The following GDA variants were observed in gnomAD, a reference collection of about 807,000 sequenced individuals.
GDA encodes the protein cytoplasmic PSD-95 interactor.
In GDA, 18 loss-of-function variants were observed where a neutral mutation model predicts 59.6. The observed-to-expected ratio is 0.30, with a 90% CI of 0.21 to 0.45. The LOEUF (loss-of-function observed/expected upper bound fraction) is 0.45. GDA is among the 20% of genes least tolerant of loss of function. The probability of loss-of-function intolerance (pLI) is 1.00; values close to 1 mark genes in which losing one functional copy is unlikely to be tolerated. For missense variants in GDA, 427 were observed against 552.3 expected, an observed-to-expected ratio of 0.77 and a Z score of 2.27; for synonymous variants, 201 against 201.1, an observed-to-expected ratio of 1.00 and a Z score of 0.00.
intron 4 of GDA, 104 bp from the exon 5 acceptor site, chr9:72,213,782 T>G: frequency 6.3e-6 from 4 of 631,700 alleles, no homozygotes; most frequent in African/African-American, 2.2e-5. Context: ...TGGCCTGGGC[T>G]AAACAGCGGG....
intron 1 of GDA, among the ~76,000 whole-genome samples, chr9:72,123,548 C>T (rs1467132750): frequency 5.1e-5 from 7 of 137,416 alleles, no homozygotes; most frequent in Non-Finnish European, 7.6e-5. Context: ...AGTGCAATGG[C>T]GTGATCTCAG....
At chr9:72,196,373 C>A (rs1833176055) in intron 2 of GDA, among the ~76,000 whole-genome samples, 1 of 151,662 alleles carries the variant, frequency 6.6e-6, no homozygotes, top group African/African-American at 2.4e-5. Context: ...GTAATCCCAG[C>A]TACCTGGGTG....
intron 1 of GDA, among the ~76,000 whole-genome samples, chr9:72,136,356 A>G (rs997647462): frequency 6.6e-6 from 1 of 152,220 alleles, no homozygotes; most frequent in Admixed American, 6.5e-5. Flanking sequence ...AATGCAAACA[A>G]TGTTCTCATT....
chr9:72,157,731 A>G (rs1271583537), intron 1 of GDA, among the ~76,000 whole-genome samples: 4 of 152,132 alleles, frequency 2.6e-5, no homozygotes, highest in Non-Finnish European at 5.9e-5. Context: ...ATAACCATCT[A>G]TGGCTCACTA....
At chr9:72,213,814 A>AG (rs1455373725) in intron 4 of GDA, 72 bp from the exon 5 acceptor site, 15 of 922,098 alleles carry the variant, frequency 1.6e-5, no homozygotes, top group Admixed American at 1.5e-4. Context: ...AAAAAAAAAA[A>AG]AAAAAGAAAA....
intron 1 of GDA, among the ~76,000 whole-genome samples, chr9:72,139,104 C>G (rs1293907539): frequency 2.6e-5 from 4 of 152,150 alleles, no homozygotes; most frequent in Non-Finnish European, 4.4e-5. Flanking sequence ...CTTTCAAGCA[C>G]TTTACCTTAA....
intron 11 of GDA, among the ~76,000 whole-genome samples, chr9:72,242,675 T>TTTTTG (rs1001110509): frequency 3.3e-5 from 5 of 152,160 alleles, no homozygotes; most frequent in African/African-American, 1.2e-4. Flanking sequence ...TTGTTTTTTG[T>TTTTTG]TTTTGTTTTG....
intron 1 of GDA, among the ~76,000 whole-genome samples, chr9:72,132,173 G>A (rs989060530): frequency 6.6e-6 from 1 of 152,130 alleles, no homozygotes; most frequent in African/African-American, 2.4e-5. Context: ...AGATTTGGGT[G>A]GGAACAAAGC....
Position 72,241,242 on chromosome 9 carries a change from A to G in GDA, c.1079A>G (p.Glu360Gly). ...ATCCTTTTAATTAATAAGGTAAATG[A>G]GAAAAGCCTCACCCTCAAAGAAGTC... is the stretch of plus-strand genomic sequence containing the variant. ...SNILLINKVN[E>G]KSLTLKEVFR... The change falls in exon 11 of 14, where the codon GAG becomes GGG. Residue 360 changes from glutamate to glycine, a missense_variant. Coordinates refer to ENST00000358399, the MANE Select transcript of GDA (RefSeq NM_004293.5). 9 of 1,609,706 alleles carry G rather than the reference A, an allele frequency of 5.6e-6. No homozygotes were observed. The highest frequency in any genetic ancestry group is 7.6e-6 in the Non-Finnish European group (9 of 1,176,528).
chr9:72,231,747 G>A (rs148750664), intron 10 of GDA, among the ~76,000 whole-genome samples: 7 of 152,232 alleles, frequency 4.6e-5, no homozygotes, highest in Admixed American at 4.6e-4. Flanking sequence ...CTTCTGGCTA[G>A]GTTTTAATGG....
chr9:72,255,407 T>C (rs1478259618), downstream of GDA, among the ~76,000 whole-genome samples: 1 of 152,180 alleles, frequency 6.6e-6, no homozygotes, highest in African/African-American at 2.4e-5. Flanking sequence ...TTCCTACCAG[T>C]TTCTTCACTT....
chr9:72,218,156 C>T (rs2131529507), intron 5 of GDA, among the ~76,000 whole-genome samples: 2 of 152,226 alleles, frequency 1.3e-5, no homozygotes, highest in Non-Finnish European at 2.9e-5. Flanking sequence ...TCAAGTGAGC[C>T]GCCTGCTTCA....
intron 1 of GDA, among the ~76,000 whole-genome samples, chr9:72,194,506 C>G (rs1832919005): frequency 6.6e-6 from 1 of 152,128 alleles, no homozygotes; most frequent in East Asian, 1.9e-4. Flanking sequence ...GTCCTCCCCA[C>G]CCTTCCCTCT....
In GDA at chr9:72,177,164, T is replaced by C. The variant is rs960203019; in HGVS notation, c.124-18336T>C. Among the ~76,000 whole-genome samples, 22 of 150,938 alleles carry C rather than the reference T, an allele frequency of 1.5e-4. 1 individual carries two copies. Among genetic ancestry groups the C allele is most frequent in the Admixed American group, 9.3e-4 (14 of 15,106 alleles). ...CCTGGGCTGGAGTGCAGTGGCACGATTGTTGCTCACTGCAACCTCCACCTC... is the reference window on the plus strand; with the variant it reads ...CCTGGGCTGGAGTGCAGTGGCACGACTGTTGCTCACTGCAACCTCCACCTC... On this transcript the variant is annotated intron_variant, in intron 1 of 13. Coordinates refer to ENST00000358399, the MANE Select transcript of GDA (RefSeq NM_004293.5).
chr9:72,151,796 G>A lies in GDA; in HGVS notation c.123+2114G>A, dbSNP rs144914265. On this transcript the variant is annotated intron_variant, in intron 1 of 13. Coordinates refer to ENST00000358399, the MANE Select transcript of GDA (RefSeq NM_004293.5). The stretch of plus-strand genomic sequence containing the variant: ...TTTTTTTGTATTTTAAGTAGAGTTG[G>A]GGTTTCAATGTGTTAACAGGATGGT... 5.9e-3 allele frequency among the ~76,000 whole-genome samples: 899 copies of A among 151,922 alleles called. 17 individuals carry two copies. The highest frequency in any genetic ancestry group is 0.042 in the Admixed American group (638 of 15,258).
At chr9:72,185,588 C>T (rs1831768714) in intron 1 of GDA, among the ~76,000 whole-genome samples, 1 of 152,168 alleles carries the variant, frequency 6.6e-6, no homozygotes, top group South Asian at 2.1e-4. Context: ...TTTGAGACCT[C>T]ATATTTTTAT....
At chr9:72,227,668 T>G (rs1837766749) in intron 8 of GDA, among the ~76,000 whole-genome samples, 1 of 152,220 alleles carries the variant, frequency 6.6e-6, no homozygotes, top group Non-Finnish European at 1.5e-5. Flanking sequence ...GTAGATCACC[T>G]GGACCAAACC....
chr9:72,246,754 C>T (rs1218912086), intron 12 of GDA, among the ~76,000 whole-genome samples: 1 of 151,994 alleles, frequency 6.6e-6, no homozygotes, highest in Admixed American at 6.5e-5. Flanking sequence ...AGTGACCTTC[C>T]TGTGTTTGAT....
intron 1 of GDA, among the ~76,000 whole-genome samples, chr9:72,142,345 G>A (rs1030057111): frequency 9.9e-5 from 15 of 152,096 alleles, no homozygotes; most frequent in African/African-American, 3.6e-4. Context: ...GCCGGGTGCG[G>A]TAGCTCATAC....
Sources: gnomAD v4.1 joint callset for allele counts (sites outside exome capture counted in the v4.1 genomes callset) on GRCh38, gnomAD v4.1.1 for gene constraint, MANE v1.5 for transcripts, NCBI Gene and HGNC (gene_info 2026-07-23, HGNC 2026-07-21) for gene names.